The following EML3 variants were observed in gnomAD, a reference collection of about 807,000 sequenced individuals.
The protein encoded by EML3 is echinoderm microtubule-associated protein-like 3.
In EML3, 53 loss-of-function variants were observed where a neutral mutation model predicts 106.7. The observed-to-expected ratio is 0.50, with a 90% confidence interval of 0.40 to 0.62. The LOEUF (loss-of-function observed/expected upper bound fraction) is 0.62, where lower values mean the gene tolerates loss of function less well. EML3 is among the 20% of genes least tolerant of loss of function. The pLI is 0.00. For missense variants in EML3, 994 were observed against 1,209.1 expected, an observed-to-expected ratio of 0.82 and a Z score of 2.64; for synonymous variants, 499 against 489.6, an observed-to-expected ratio of 1.02 and a Z score of -0.25.
Position 62,605,813 on chromosome 11 carries a change from C to G in EML3, c.1783-40G>C, listed in dbSNP as rs1271198264. 1 of 1,609,892 alleles carries G rather than the reference C, an allele frequency of 6.2e-7. No homozygotes were observed. The highest frequency in any genetic ancestry group is 1.7e-5 in the Admixed American group (1 of 59,776). The stretch of plus-strand genomic sequence containing the variant: ...GACTGTCACTCCTGCCCCTCTCTCA[C>G]ACCCCTTTGTCCCTTCCTCCCCTGA... On this transcript the variant is annotated intron_variant, in intron 14 of 21. Coordinates refer to ENST00000394773, the MANE Select transcript of EML3 (RefSeq NM_153265.3). This position sits in a 1 kb window ranked among gnomAD's most constrained non-coding sequence, Gnocchi z 5.2.
At position 62,612,717 on chromosome 11, in the gene EML3, C is replaced by T. The variant is rs1942898889; in HGVS notation, c.-260G>A. 1 of 308,796 alleles carries T rather than the reference C, an allele frequency of 3.2e-6. No homozygotes were observed. The highest frequency in any genetic ancestry group is 5.2e-5 in the East Asian group (1 of 19,388). 19.1% of individuals were successfully genotyped at this position (308,796 alleles called of 1,614,324 possible). On this transcript the variant is annotated 5_prime_UTR_variant, in exon 1 of 22. Transcript: ENST00000394773. ...GCTCCCGGGGGTGGGGTGGCAGGGC[C>T]GTCCGGTGCCACAGCGCCGCAGCAC... is the stretch of plus-strand genomic sequence containing the variant.
intron 9 of EML3, 25 bp from the exon 10 acceptor site, chr11:62,608,321 G>A (rs779266379): frequency 1.9e-6 from 3 of 1,605,810 alleles, no homozygotes; most frequent in Non-Finnish European, 2.6e-6. Context: ...CACATAGGAG[G>A]TGCAGAGTGA....
chr11:62,606,369 C>T, intron 12 of EML3, 155 bp from the exon 13 acceptor site: 2 of 897,846 alleles, frequency 2.2e-6, no homozygotes, highest in Non-Finnish European at 3.3e-6. Flanking sequence ...CTGTTATTCT[C>T]CCCATTTTAC....
chr11:62,607,462 A>T (rs1404580692), intron 11 of EML3: 2 of 535,826 alleles, frequency 3.7e-6, no homozygotes, highest in East Asian at 6.5e-5. Context: ...GCTCGAACCC[A>T]GGAGGCAGAC....
rs1196911429 is a variant in EML3 at position 62,608,243 on chromosome 11, C to T, written c.1164G>A (p.Ser388=). Residue 388 remains serine, a synonymous_variant, in exon 10 of 22, where the codon TCG becomes TCA. Transcript: ENST00000394773. ...VVDDSNEHML[S]VWDCSRGMKL... ...TCATTCCCCGGCTGCAGTCCCACAC[C>T]GACAGCATGTGCTCATTGGAATCAT... 6 of 1,614,002 alleles carry T rather than the reference C, an allele frequency of 3.7e-6. No homozygotes were observed. The East Asian group carries it at 8.9e-5, about 24-fold the overall frequency.
chr11:62,607,075 G>C lies in EML3; in HGVS notation c.1387C>G (p.Pro463Ala). The C allele has an allele frequency of 6.2e-7, 1 of 1,614,038 alleles. No individual in the cohort carries two copies. The highest frequency in any genetic ancestry group is 8.5e-7 in the Non-Finnish European group (1 of 1,179,968). Residue 463 changes from proline (P) to alanine (A), a missense_variant, in exon 12 of 22, where the codon CCT becomes GCT. Physicochemically the swap from Pro to Ala is conservative, Grantham distance 27 (BLOSUM62 -1). Transcript: ENST00000394773. ...FGKYKKPKFI[P>A]CFVFLPDGDI... The stretch of plus-strand genomic sequence containing the variant: ...CCATCCGGAAGGAACACAAAGCAAG[G>C]GATAAACTTGGGTTTCTTGTATTTC...
intron 18 of EML3, 32 bp downstream of exon 18, chr11:62,603,912 T>C (rs760983192): frequency 2.8e-5 from 45 of 1,613,242 alleles, no homozygotes; most frequent in Non-Finnish European, 1.5e-5. Context: ...GCAGCTGTTA[T>C]CATGCCCCAC....
chr11:62,605,885 G>T lies in EML3; in HGVS notation c.1752C>A (p.Asp584Glu), dbSNP rs773960126. Residue 584 changes from aspartate to glutamate, a missense_variant, in exon 14 of 22, where the codon GAC (aspartate) becomes GAA (glutamate). This residue lies in a region of EML3 where 713 missense variants were observed against 920.5 expected (regional missense o/e 0.77). Coordinates refer to ENST00000394773, the MANE Select transcript of EML3 (RefSeq NM_153265.3). The surrounding 1 kb of genome is among the most constrained non-coding windows in gnomAD (Gnocchi z 5.2). ...GTTKNALLRG[D>E]LAQGFSPVIQ... ...TTACAGGGGAGAAGCCCTGGGCCAGGTCTCCCCTCAGCAATGCATTCTTCG... is the reference window on the plus strand; with the variant it reads ...TTACAGGGGAGAAGCCCTGGGCCAGTTCTCCCCTCAGCAATGCATTCTTCG... The T allele has an allele frequency of 3.7e-6, 6 of 1,614,132 alleles. No individual in the cohort carries two copies. The highest frequency in any genetic ancestry group is 2.2e-5 in the East Asian group (1 of 44,882).
rs1942245365 is a variant in EML3 at position 62,602,253 on chromosome 11, C to A, written c.*222G>T. ...TTCTGGTTTATTGCCCCTCAGCAGG[C>A]AGCGGGAGTCAAGGCCTAGGCTGGG... On this transcript the variant is annotated 3_prime_UTR_variant, in exon 22 of 22. Coordinates refer to ENST00000394773, the MANE Select transcript of EML3 (RefSeq NM_153265.3). The A allele has an allele frequency of 6.5e-7, 1 of 1,545,834 alleles. No homozygotes were observed.
chr11:62,607,210 G>T lies in EML3; in HGVS notation c.1363-111C>A, dbSNP rs1015209772. On this transcript the variant is annotated intron_variant, in intron 11 of 21. Transcript: ENST00000394773. ...TGCCTGTAATCCCAGCACTTTGGGA[G>T]GCCAAGGCGGGCGGGTCACCTGAGG... is the stretch of plus-strand genomic sequence containing the variant. The T allele has an allele frequency of 3.8e-5, 53 of 1,388,248 alleles. 1 individual carries two copies. In the Middle Eastern group the frequency reaches 6.2e-4, roughly 16 times the overall value. The allele number at this position is 1,388,248 out of a possible 1,614,324, so 86.0% of individuals were successfully genotyped here.
chr11:62,606,908 C>T (rs1408573957), intron 12 of EML3, 50 bp downstream of exon 12: 4 of 1,540,992 alleles, frequency 2.6e-6, no homozygotes, highest in Admixed American at 2.1e-5. Flanking sequence ...TCTGTTCCCA[C>T]AGAACCTCTG....
Position 62,605,556 on chromosome 11 carries a change from C to T in EML3, c.1914+86G>A. ...GTACAAACTGGCCACCTCTGGGAGG[C>T]AGAAGGCAAGGTGCTGGGGAAGGCG... On this transcript the variant is annotated intron_variant, in intron 15 of 21. Transcript: ENST00000394773. The surrounding 1 kb of genome is among the most constrained non-coding windows in gnomAD (Gnocchi z 5.2). 2 of 1,482,504 alleles carry T rather than the reference C, an allele frequency of 1.3e-6. No homozygotes were observed. Among genetic ancestry groups the T allele is most frequent in the Middle Eastern group, 2.6e-4 (1 of 3,912 alleles). 91.8% of individuals were successfully genotyped at this position (1,482,504 alleles called of 1,614,324 possible).
rs1942329449 is a variant in EML3, at chr11:62,603,149, C to T, written c.2356G>A (p.Gly786Ser). ...YTCVLGFHVYGVWPDGSDGTD... is the reference protein window; with the variant it reads ...YTCVLGFHVYSVWPDGSDGTD... Reference sequence around the variant, plus strand: ...AGCAGGTTTCCACGCCCCTGCTCACCGTAGACGTGAAAGCCCAGCACACAG... The same window carrying T: ...AGCAGGTTTCCACGCCCCTGCTCACTGTAGACGTGAAAGCCCAGCACACAG... The change falls in exon 20 of 22, where the codon GGC (glycine) becomes AGC (serine). Residue 786 changes from glycine to serine, a missense_variant and splice_region_variant. Physicochemically the swap from Gly to Ser is moderately conservative, Grantham distance 56. Coordinates refer to ENST00000394773, the MANE Select transcript of EML3 (RefSeq NM_153265.3). 1.2e-6 allele frequency: 2 copies of T among 1,614,068 alleles called. No homozygotes were observed. The highest frequency in any genetic ancestry group is 1.7e-6 in the Non-Finnish European group (2 of 1,180,010).
chr11:62,605,150 T>G lies in EML3; in HGVS notation c.1945A>C (p.Ser649Arg). ...ETGLCADFHP[S>R]GAVVAVGLNT... is the part of the protein sequence containing the mutation. Reference sequence around the variant, plus strand: ...AGTCCTACGGCCACAACTGCCCCACTCGGGTGGAAGTCAGCACAGAGACCA... The same window carrying G: ...AGTCCTACGGCCACAACTGCCCCACGCGGGTGGAAGTCAGCACAGAGACCA... Residue 649 changes from serine (S) to arginine (R), a missense_variant, in exon 16 of 22, where the codon AGT (serine) becomes CGT (arginine). This residue lies in a region of EML3 where 713 missense variants were observed against 920.5 expected (regional missense o/e 0.77). Coordinates refer to ENST00000394773, the MANE Select transcript of EML3 (RefSeq NM_153265.3). This position sits in a 1 kb window ranked among gnomAD's most constrained non-coding sequence, Gnocchi z 5.2. The G allele has an allele frequency of 6.2e-7, 1 of 1,612,712 alleles. No homozygotes were observed. The highest frequency in any genetic ancestry group is 8.5e-7 in the Non-Finnish European group (1 of 1,179,320).
intron 10 of EML3, 109 bp from the exon 11 acceptor site, chr11:62,607,930 C>A: frequency 1.6e-6 from 2 of 1,288,766 alleles, no homozygotes; most frequent in Non-Finnish European, 2.2e-6. Context: ...TCCAGAAACC[C>A]CAGGACAACC....
At chr11:62,608,413 T>C (rs929708160) in intron 9 of EML3, 117 bp from the exon 10 acceptor site, 2 of 1,325,286 alleles carry the variant, frequency 1.5e-6, no homozygotes, top group Non-Finnish European at 2.2e-6. Context: ...TTGACACACA[T>C]GGCCCTTTCT....
At position 62,612,706 on chromosome 11, in the gene EML3, G is replaced by A. The variant is rs1942898262; in HGVS notation, c.-249C>T. The A allele has an allele frequency of 5.4e-6, 2 of 370,742 alleles. No homozygotes were observed. Among genetic ancestry groups the A allele is most frequent in the Non-Finnish European group, 9.5e-6 (2 of 209,600 alleles). 23.0% of individuals were successfully genotyped at this position (370,742 alleles called of 1,614,324 possible). ...GGCCGCTCTCGGCTCCCGGGGGTGG[G>A]GTGGCAGGGCCGTCCGGTGCCACAG... is the stretch of plus-strand genomic sequence containing the variant. On this transcript the variant is annotated 5_prime_UTR_variant, in exon 1 of 22. Transcript: ENST00000394773.
At chr11:62,607,611 G>C in intron 11 of EML3, 55 bp downstream of exon 11, 2 of 1,577,346 alleles carry the variant, frequency 1.3e-6, no homozygotes, top group Non-Finnish European at 1.7e-6. Context: ...ACTCAGCCCA[G>C]TGCTTCCTCT....
chr11:62,612,302 T>C, intron 1 of EML3, 134 bp downstream of exon 1: 2 of 867,758 alleles, frequency 2.3e-6, no homozygotes, highest in East Asian at 3.2e-5. Context: ...CCGGAGGAAC[T>C]GTGGAGGATG....
Sources: allele counts gnomAD v4.1 joint callset, GRCh38; gene constraint gnomAD v4.1.1; regional missense constraint gnomAD v4.1.1; non-coding constraint Gnocchi (gnomAD v3.1); transcripts MANE v1.5; gene names NCBI Gene and HGNC (gene_info 2026-07-23, HGNC 2026-07-21).